The following SYNPO variants were observed in gnomAD, a reference collection of about 807,000 sequenced individuals.
SYNPO encodes the protein synaptopodin.
In SYNPO, 19 loss-of-function variants were observed where a neutral mutation model predicts 49.5. The ratio of observed to expected loss-of-function variants is 0.38; its 90% confidence interval spans 0.27 to 0.56. The LOEUF (loss-of-function observed/expected upper bound fraction) is 0.56. Among genes scored for constraint, SYNPO ranks in the 20% least tolerant of loss-of-function variants. SYNPO has a pLI of 0.68. For synonymous variants in SYNPO, 536 were observed against 548.0 expected, an observed-to-expected ratio of 0.98 and a Z score of 0.31; for missense variants, 1,131 against 1,248.3, an observed-to-expected ratio of 0.91 and a Z score of 1.42.
intron 1 of SYNPO, among the ~76,000 whole-genome samples, chr5:150,613,663 G>T (rs1347403709): frequency 6.6e-6 from 1 of 152,180 alleles, no homozygotes; most frequent in African/African-American, 2.4e-5. Context: ...AGCAGGTGGG[G>T]AGGTCAGGTA....
At chr5:150,644,614 T>C (rs1340412830) in intron 1 of SYNPO, among the ~76,000 whole-genome samples, 1 of 152,184 alleles carries the variant, frequency 6.6e-6, no homozygotes, top group Non-Finnish European at 1.5e-5. Context: ...CCAACACTCA[T>C]GTCAAGTTAA....
In SYNPO at chr5:150,656,522, T is replaced by G. The variant is rs757848932; in HGVS notation, c.2147T>G (p.Met716Arg). 308 of 1,529,804 alleles carry G rather than the reference T, an allele frequency of 2.0e-4. No homozygotes were observed. The highest frequency in any genetic ancestry group is 2.5e-4 in the Non-Finnish European group (291 of 1,144,606). 94.8% of individuals were successfully genotyped at this position (1,529,804 alleles called of 1,614,324 possible). The change falls in exon 3 of 3, where the codon ATG becomes AGG. Residue 716 changes from methionine to arginine, a missense_variant. Met to Arg is a moderately conservative substitution (Grantham distance 91). Around this residue, in one of 4 missense-constraint regions of SYNPO, gnomAD observed 509 missense variants for 484.5 expected, o/e 1.05. Coordinates refer to ENST00000307662, the MANE Select transcript of SYNPO (RefSeq NM_007286.6). The part of the protein sequence containing the change: ...GPWEPGRGSS[M>R]SSPPPLPPPP... The stretch of plus-strand genomic sequence containing the variant: ...TGGGAGCCAGGTCGCGGGAGCAGCA[T>G]GAGCAGCCCCCCGCCGCTGCCGCCG...
chr5:150,586,081 C>T, the SYNPO span, among the ~76,000 whole-genome samples: 3 of 152,258 alleles, frequency 2.0e-5, no homozygotes, highest in Non-Finnish European at 2.9e-5. Context: ...AGGTTCCCTG[C>T]TGTATGGCGC....
chr5:150,604,672 G>A (rs1412292449), intron 1 of SYNPO, among the ~76,000 whole-genome samples: 1 of 152,150 alleles, frequency 6.6e-6, no homozygotes, highest in African/African-American at 2.4e-5. Context: ...CTCACCAGGC[G>A]ACTGCGTCTC....
upstream of SYNPO, among the ~76,000 whole-genome samples, chr5:150,637,217 CG>C (rs1205256261): frequency 7.2e-5 from 11 of 152,068 alleles, no homozygotes; most frequent in African/African-American, 2.2e-4. Context: ...GTGGGAGGAG[CG>C]GGCAGGCTGA....
chr5:150,590,400 C>T, the SYNPO span, among the ~76,000 whole-genome samples: 1 of 152,238 alleles, frequency 6.6e-6, no homozygotes, highest in African/African-American at 2.4e-5. Flanking sequence ...CAGAGAGGGC[C>T]AAGGGGCTGC....
chr5:150,587,186 TAATG>T, the SYNPO span, among the ~76,000 whole-genome samples: 1 of 148,630 alleles, frequency 6.7e-6, no homozygotes, highest in Non-Finnish European at 1.5e-5. Flanking sequence ...ATGGATATGT[TAATG>T]GATGGATGGA....
At chr5:150,606,205 A>C (rs965047125) in intron 1 of SYNPO, among the ~76,000 whole-genome samples, 1 of 152,212 alleles carries the variant, frequency 6.6e-6, no homozygotes, top group Admixed American at 6.5e-5. Flanking sequence ...ACACAGACAC[A>C]CAGCAGAAGA....
intron 2 of SYNPO, among the ~76,000 whole-genome samples, chr5:150,631,604 G>C (rs1215801728): frequency 6.6e-6 from 1 of 152,190 alleles, no homozygotes; most frequent in Non-Finnish European, 1.5e-5. Flanking sequence ...GAAGGGGCTT[G>C]AGGCGGATCA....
At chr5:150,601,425 T>C (rs1348781091) in intron 1 of SYNPO, among the ~76,000 whole-genome samples, 10 of 151,902 alleles carry the variant, frequency 6.6e-5, no homozygotes. Flanking sequence ...GCCTGGGGCT[T>C]GGGGCTGGGG....
At position 150,657,176 on chromosome 5, in the gene SYNPO, C is replaced by T; in HGVS notation, c.*89C>T. 2 of 1,392,532 alleles carry T rather than the reference C, an allele frequency of 1.4e-6. No individual in the cohort carries two copies. Among genetic ancestry groups the T allele is most frequent in the Non-Finnish European group, 9.6e-7 (1 of 1,038,668 alleles). The allele number at this position is 1,392,532 out of a possible 1,614,324, so 86.3% of individuals were successfully genotyped here. A position where few individuals can be genotyped will look rare whatever the true frequency, so the allele number is the denominator to read the frequency against. ...ACCCAAAGGGTCTGGCCTCTTTGGGCAGCCCCAGAGATGAGGGGTCAGCAG... is the reference window on the plus strand; with the variant it reads ...ACCCAAAGGGTCTGGCCTCTTTGGGTAGCCCCAGAGATGAGGGGTCAGCAG... On this transcript the variant is annotated 3_prime_UTR_variant, in exon 3 of 3. Transcript: ENST00000307662.
At chr5:150,632,108 G>C (rs77905187) in intron 2 of SYNPO, among the ~76,000 whole-genome samples, 1 of 152,030 alleles carries the variant, frequency 6.6e-6, no homozygotes, top group Non-Finnish European at 1.5e-5. Context: ...TCTGCTGTAC[G>C]CTCTAGGGCA....
At chr5:150,598,494 G>C (rs978622736), upstream of SYNPO, among the ~76,000 whole-genome samples, 11 of 152,234 alleles carry the variant, frequency 7.2e-5, 1 homozygote, top group Admixed American at 6.5e-4. Context: ...GCTTTCTGGG[G>C]TTGTCAGGAA....
chr5:150,626,243 A>T (rs1180013371), intron 2 of SYNPO, among the ~76,000 whole-genome samples: 2 of 152,176 alleles, frequency 1.3e-5, no homozygotes, highest in East Asian at 3.9e-4. Flanking sequence ...TGTCTCAGGC[A>T]GGCAGATGAG....
chr5:150,629,776 A>G (rs1322658746), intron 2 of SYNPO, among the ~76,000 whole-genome samples: 1 of 152,212 alleles, frequency 6.6e-6, no homozygotes, highest in African/African-American at 2.4e-5. Context: ...CAACAACTCC[A>G]TGAGGTGAGT....
At chr5:150,652,325 ACT>A (rs1758420341) in intron 2 of SYNPO, 11 of 991,412 alleles carry the variant, frequency 1.1e-5, no homozygotes, top group Middle Eastern at 5.2e-4. Flanking sequence ...TTCTCAATAC[ACT>A]CTGCCTCAAA....
chr5:150,630,949 A>C (rs779728926), intron 2 of SYNPO, among the ~76,000 whole-genome samples: 7 of 152,130 alleles, frequency 4.6e-5, no homozygotes, highest in Non-Finnish European at 8.8e-5. Flanking sequence ...CCTGACAGAC[A>C]CTGCAGGAGA....
At chr5:150,629,710 A>G (rs1181739314) in intron 2 of SYNPO, among the ~76,000 whole-genome samples, 1 of 152,204 alleles carries the variant, frequency 6.6e-6, no homozygotes, top group Non-Finnish European at 1.5e-5. Flanking sequence ...TTCTTGAAAA[A>G]TGATTGTTTA....
upstream of SYNPO, among the ~76,000 whole-genome samples, chr5:150,596,971 G>T (rs6874245): frequency 0.41 from 61,698 of 152,040 alleles, 12,828 homozygotes; most frequent in Middle Eastern, 0.5. Context: ...GGGGAACCTA[G>T]ATGGTAGGAC....
Sources: gnomAD v4.1 joint callset for allele counts (sites outside exome capture counted in the v4.1 genomes callset) on GRCh38, gnomAD v4.1.1 for gene constraint, gnomAD v4.1.1 regional missense constraint, MANE v1.5 for transcripts, NCBI Gene and HGNC (gene_info 2026-07-23, HGNC 2026-07-21) for gene names.